The following ZFPM2 variants were observed in gnomAD, a reference collection of about 807,000 sequenced individuals.
ZFPM2 encodes the protein zinc finger protein, FOG family member 2, also known as zinc finger protein ZFPM2.
In ZFPM2, 20 loss-of-function variants were observed where a neutral mutation model predicts 98.6. That is an observed-to-expected ratio of 0.20 (90% CI 0.14 to 0.29). ZFPM2 has a LOEUF of 0.29. Ranked by LOEUF, ZFPM2 falls within the 10% of genes least tolerant of loss-of-function variation. ZFPM2 has a pLI of 1.00. For missense variants in ZFPM2, 1,310 were observed against 1,388.6 expected (o/e 0.94, Z 0.90); for synonymous variants, 518 against 502.7 (o/e 1.03, Z -0.41).
intron 5 of ZFPM2, among the ~76,000 whole-genome samples, chr8:105,679,900 A>G (rs914654616): frequency 2.0e-5 from 3 of 152,306 alleles, no homozygotes; most frequent in African/African-American, 7.2e-5. Context: ...TTTAAAAAGG[A>G]AAATAGACTT....
intron 5 of ZFPM2, among the ~76,000 whole-genome samples, chr8:105,700,024 A>G (rs949160770): frequency 6.6e-6 from 1 of 152,206 alleles, no homozygotes; most frequent in Non-Finnish European, 1.5e-5. Context: ...TACTGTGTAT[A>G]ATAAGGGCTT....
chr8:105,447,202 A>T (rs1812391758), intron 3 of ZFPM2, among the ~76,000 whole-genome samples: 1 of 151,946 alleles, frequency 6.6e-6, no homozygotes, highest in African/African-American at 2.4e-5. Flanking sequence ...TACCCACAAA[A>T]ATTAAAAATT....
chr8:105,754,260 A>C (rs1394101278), intron 5 of ZFPM2, among the ~76,000 whole-genome samples: 1 of 152,174 alleles, frequency 6.6e-6, no homozygotes, highest in Non-Finnish European at 1.5e-5. Flanking sequence ...TATTGATGAG[A>C]GGACTTAAAT....
At chr8:105,440,213 A>C (rs941931809) in intron 2 of ZFPM2, among the ~76,000 whole-genome samples, 3 of 152,182 alleles carry the variant, frequency 2.0e-5, no homozygotes, top group Admixed American at 2.0e-4. Context: ...TAGAGATGGT[A>C]GCTAGCATTT....
At chr8:105,412,660 T>C (rs1811600494) in intron 1 of ZFPM2, among the ~76,000 whole-genome samples, 1 of 151,740 alleles carries the variant, frequency 6.6e-6, no homozygotes, top group East Asian at 1.9e-4. Context: ...AGGAAGAACT[T>C]GCTCATTTAA....
At chr8:105,713,966 T>C (rs1374776144) in intron 5 of ZFPM2, among the ~76,000 whole-genome samples, 1 of 152,114 alleles carries the variant, frequency 6.6e-6, no homozygotes, top group Non-Finnish European at 1.5e-5. Context: ...ATATGAACTT[T>C]CGAATAGTTT....
At chr8:105,506,553 A>G (rs1232608754) in intron 3 of ZFPM2, among the ~76,000 whole-genome samples, 1 of 152,180 alleles carries the variant, frequency 6.6e-6, no homozygotes, top group East Asian at 1.9e-4. Context: ...TTATTGTCTT[A>G]TTGGTGTCAA....
intron 1 of ZFPM2, among the ~76,000 whole-genome samples, chr8:105,353,333 T>TA (rs1162016187): frequency 6.6e-6 from 1 of 152,142 alleles, no homozygotes; most frequent in African/African-American, 2.4e-5. Flanking sequence ...GGTCACCCCA[T>TA]ATACGATAGT....
chr8:105,717,458 A>G (rs1158141484), intron 5 of ZFPM2, among the ~76,000 whole-genome samples: 3 of 151,984 alleles, frequency 2.0e-5, no homozygotes, highest in African/African-American at 4.8e-5. Flanking sequence ...ATTTGTTTCA[A>G]TATCTCTGAT....
At chr8:105,606,472 C>T (rs1207183421) in intron 4 of ZFPM2, among the ~76,000 whole-genome samples, 2 of 151,918 alleles carry the variant, frequency 1.3e-5, no homozygotes, top group South Asian at 2.1e-4. Context: ...TGGCTCTGGG[C>T]CACTTTACCT....
chr8:105,329,614 T>A (rs529798346), intron 1 of ZFPM2, among the ~76,000 whole-genome samples: 2 of 151,814 alleles, frequency 1.3e-5, no homozygotes, highest in Non-Finnish European at 2.9e-5. Flanking sequence ...AATATTAAAT[T>A]TAAACTTTTT....
intron 3 of ZFPM2, among the ~76,000 whole-genome samples, chr8:105,530,780 C>T (rs1220747694): frequency 2.6e-5 from 4 of 152,194 alleles, no homozygotes; most frequent in Non-Finnish European, 4.4e-5. Flanking sequence ...AGACACAATT[C>T]GGTCCATAGC....
intron 3 of ZFPM2, among the ~76,000 whole-genome samples, chr8:105,464,501 GA>G (rs940908041): frequency 2.0e-5 from 3 of 151,916 alleles, no homozygotes; most frequent in African/African-American, 7.3e-5. Flanking sequence ...GATTTCATTA[GA>G]GGGGAAAAAA....
At chr8:105,587,445 A>G (rs1448347638) in intron 4 of ZFPM2, among the ~76,000 whole-genome samples, 1 of 152,208 alleles carries the variant, frequency 6.6e-6, no homozygotes, top group Non-Finnish European at 1.5e-5. Context: ...TAGACATTTT[A>G]CTATGTTAAT....
At chr8:105,389,885 A>C (rs1416665714) in intron 1 of ZFPM2, among the ~76,000 whole-genome samples, 1 of 152,238 alleles carries the variant, frequency 6.6e-6, no homozygotes, top group Non-Finnish European at 1.5e-5. Context: ...AGGAGAAATG[A>C]GAGCCTTCTT....
At chr8:105,548,894 C>T (rs1470360597) in intron 3 of ZFPM2, among the ~76,000 whole-genome samples, 1 of 152,140 alleles carries the variant, frequency 6.6e-6, no homozygotes, top group East Asian at 1.9e-4. Flanking sequence ...TTGTGACTGG[C>T]ATTGTAAGTG....
At chr8:105,557,940 G>C (rs147140906) in intron 3 of ZFPM2, among the ~76,000 whole-genome samples, 1 of 152,190 alleles carries the variant, frequency 6.6e-6, no homozygotes, top group African/African-American at 2.4e-5. Context: ...TGGACTGTCA[G>C]TGTTGAAAAA....
intron 2 of ZFPM2, among the ~76,000 whole-genome samples, chr8:105,430,703 G>A (rs1317518350): frequency 2.6e-5 from 4 of 152,094 alleles, no homozygotes; most frequent in Non-Finnish European, 4.4e-5. Context: ...GTCTGAATGC[G>A]TCTTGTGATA....
chr8:105,639,004 G>T (rs1816901175), intron 5 of ZFPM2, among the ~76,000 whole-genome samples: 1 of 151,972 alleles, frequency 6.6e-6, no homozygotes, highest in Non-Finnish European at 1.5e-5. Flanking sequence ...TGGGTCGTCT[G>T]TTTTTTGCCA....
Sources: gnomAD v4.1 joint callset for allele counts (sites outside exome capture counted in the v4.1 genomes callset) on GRCh38, gnomAD v4.1.1 for gene constraint, MANE v1.5 for transcripts, NCBI Gene and HGNC (gene_info 2026-07-23, HGNC 2026-07-21) for gene names.